RPS6KA5: variants seen among roughly 807,000 people sequenced by gnomAD.
RPS6KA5 encodes the protein ribosomal protein S6 kinase alpha-5.
A neutral mutation model predicts 85.5 loss-of-function variants in RPS6KA5; 27 were observed. The ratio of observed to expected loss-of-function variants is 0.32; its 90% confidence interval spans 0.23 to 0.44. The LOEUF is 0.44. Ranked by LOEUF, RPS6KA5 falls within the 20% of genes least tolerant of loss-of-function variation. The pLI is 1.00. For missense variants in RPS6KA5, 811 were observed against 980.9 expected (o/e 0.83, Z 2.31); for synonymous variants, 334 against 348.2 (o/e 0.96, Z 0.46).
intron 11 of RPS6KA5, among the ~76,000 whole-genome samples, chr14:90,899,637 A>T (rs2035045630): frequency 6.6e-6 from 1 of 152,234 alleles, no homozygotes; most frequent in East Asian, 1.9e-4. Context: ...AGAAAAGTAC[A>T]AATCATATGA....
At chr14:90,879,507 T>G (rs1011071562) in intron 14 of RPS6KA5, among the ~76,000 whole-genome samples, 4 of 152,078 alleles carry the variant, frequency 2.6e-5, no homozygotes, top group Admixed American at 1.3e-4. Flanking sequence ...GGCTGATGGG[T>G]CCAGGTCCTC....
At chr14:90,986,685 G>C (rs903872884) in intron 2 of RPS6KA5, among the ~76,000 whole-genome samples, 3 of 152,268 alleles carry the variant, frequency 2.0e-5, no homozygotes, top group East Asian at 1.9e-4. Context: ...CTGGAGAAAG[G>C]CCTCAGGTAG....
rs777092025 is a variant in RPS6KA5 at position 91,009,435 on chromosome 14, G to A, written c.104-8276C>T. 2.6e-5 allele frequency among the ~76,000 whole-genome samples: 4 copies of A among 152,136 alleles called. 1 individual carries two copies. Among genetic ancestry groups the A allele is most frequent in the Non-Finnish European group, 5.9e-5 (4 of 68,036 alleles). Reference sequence around the variant, plus strand: ...GGTTGCTGGGCTTTTTCTTTTAATAGAGACCGAGTCTCACTATGTTGCCCA... The same window carrying A: ...GGTTGCTGGGCTTTTTCTTTTAATAAAGACCGAGTCTCACTATGTTGCCCA... On this transcript the variant is annotated intron_variant, in intron 1 of 16. Coordinates refer to ENST00000614987, the MANE Select transcript of RPS6KA5 (RefSeq NM_004755.4).
chr14:90,959,422 C>T (rs982828691), intron 3 of RPS6KA5, among the ~76,000 whole-genome samples: 3 of 151,930 alleles, frequency 2.0e-5, no homozygotes, highest in South Asian at 2.1e-4. Context: ...GGAGATCACT[C>T]GCAATAATAA....
chr14:90,954,247 A>G (rs906371014), intron 3 of RPS6KA5, among the ~76,000 whole-genome samples: 11 of 152,198 alleles, frequency 7.2e-5, no homozygotes, highest in African/African-American at 2.7e-4. Context: ...TGCAGTTGGT[A>G]TTGGCATAAT....
At chr14:90,908,221 A>C (rs1328225322) in intron 7 of RPS6KA5, among the ~76,000 whole-genome samples, 1 of 152,246 alleles carries the variant, frequency 6.6e-6, no homozygotes, top group East Asian at 1.9e-4. Flanking sequence ...TGAGATGCCA[A>C]GTCTGGAAAG....
intron 7 of RPS6KA5, among the ~76,000 whole-genome samples, chr14:90,918,291 GAT>G (rs1239430987): frequency 6.6e-6 from 1 of 152,148 alleles, no homozygotes; most frequent in Non-Finnish European, 1.5e-5. Flanking sequence ...TAAAGGTGTT[GAT>G]AGTCTTTTCA....
intron 1 of RPS6KA5, among the ~76,000 whole-genome samples, chr14:91,043,700 T>G (rs1302500691): frequency 1.3e-5 from 2 of 152,208 alleles, no homozygotes; most frequent in African/African-American, 4.8e-5. Flanking sequence ...CAAACTTACT[T>G]TGATAGGTAC....
intron 14 of RPS6KA5, among the ~76,000 whole-genome samples, chr14:90,880,212 T>A (rs531411157): frequency 2.4e-4 from 37 of 152,292 alleles, no homozygotes; most frequent in Middle Eastern, 3.4e-3. Context: ...GCAACCATCA[T>A]CACCATCCAT....
At chr14:91,028,816 C>A (rs1164306785) in intron 1 of RPS6KA5, among the ~76,000 whole-genome samples, 3 of 152,200 alleles carry the variant, frequency 2.0e-5, no homozygotes, top group Non-Finnish European at 4.4e-5. Flanking sequence ...CTGCGCCCAG[C>A]CTATTTTTAA....
chr14:90,908,543 G>A lies in RPS6KA5; in HGVS notation c.807-2244C>T, dbSNP rs181617609. 8.5e-5 allele frequency among the ~76,000 whole-genome samples: 13 copies of A among 152,272 alleles called. No homozygotes were observed. The South Asian group carries it at 2.3e-3, about 27-fold the overall frequency. ...TGTCTTGGTAAACGGAGTGCCACGGGCTTTCCTCAGTGATGTGAGGAGGTT... is the reference window on the plus strand; with the variant it reads ...TGTCTTGGTAAACGGAGTGCCACGGACTTTCCTCAGTGATGTGAGGAGGTT... On this transcript the variant is annotated intron_variant, in intron 7 of 16. Transcript: ENST00000614987.
At chr14:90,981,696 A>G (rs2039796002) in intron 2 of RPS6KA5, among the ~76,000 whole-genome samples, 1 of 152,234 alleles carries the variant, frequency 6.6e-6, no homozygotes, top group Non-Finnish European at 1.5e-5. Context: ...AAGCTCACAA[A>G]TATTTTGTTT....
chr14:90,974,148 C>A (rs940498672), intron 3 of RPS6KA5, among the ~76,000 whole-genome samples: 1 of 150,934 alleles, frequency 6.6e-6, no homozygotes, highest in African/African-American at 2.4e-5. Context: ...ACTATGTAAT[C>A]TAATCTTAGA....
At chr14:90,994,867 C>T (rs373898608) in intron 2 of RPS6KA5, among the ~76,000 whole-genome samples, 5 of 151,884 alleles carry the variant, frequency 3.3e-5, no homozygotes, top group South Asian at 4.2e-4. Context: ...CCACCGCACA[C>T]GGCTGGTGTT....
chr14:90,919,113 C>G (rs988886048), intron 7 of RPS6KA5, among the ~76,000 whole-genome samples: 1 of 152,172 alleles, frequency 6.6e-6, no homozygotes, highest in African/African-American at 2.4e-5. Context: ...CCTCTGCACA[C>G]CTCTGGACTT....
chr14:90,983,787 T>TTCTCTCTCTCTCTCTCTCTC (rs770148887), intron 2 of RPS6KA5, among the ~76,000 whole-genome samples: 3 of 129,334 alleles, frequency 2.3e-5, no homozygotes, highest in Non-Finnish European at 4.8e-5. Flanking sequence ...CTTTCTTTCT[T>TTCTCTCTCTCTCTCTCTCTC]TCTCTCTCTC....
intron 3 of RPS6KA5, among the ~76,000 whole-genome samples, chr14:90,971,800 C>A (rs1464811465): frequency 4.6e-5 from 7 of 152,160 alleles, no homozygotes; most frequent in African/African-American, 1.7e-4. Context: ...GCAAGAAAAG[C>A]TGTAAACCTC....
chr14:90,876,096 C>T (rs1299437742), intron 14 of RPS6KA5, among the ~76,000 whole-genome samples: 1 of 151,694 alleles, frequency 6.6e-6, no homozygotes, highest in Non-Finnish European at 1.5e-5. Context: ...GCAGTGAATA[C>T]ATCTCAAAGA....
intron 1 of RPS6KA5, among the ~76,000 whole-genome samples, chr14:91,009,080 A>T (rs1329909050): frequency 1.3e-5 from 2 of 152,188 alleles, no homozygotes; most frequent in African/African-American, 2.4e-5. Flanking sequence ...AAATTAACTC[A>T]ATTTCTGTTC....
Sources: gnomAD v4.1 joint callset for allele counts (sites outside exome capture counted in the v4.1 genomes callset) on GRCh38, gnomAD v4.1.1 for gene constraint, MANE v1.5 for transcripts, NCBI Gene and HGNC (gene_info 2026-07-23, HGNC 2026-07-21) for gene names.